KCND2: variants seen among roughly 807,000 people sequenced by gnomAD.
KCND2 encodes A-type voltage-gated potassium channel KCND2.
Under a neutral mutation model 54.4 loss-of-function variants are expected in KCND2, and 16 were observed. The observed-to-expected ratio is 0.29, with a 90% CI of 0.20 to 0.45. The LOEUF is 0.45. Ranked by LOEUF, KCND2 falls within the 20% of genes least tolerant of loss-of-function variation. KCND2 has a pLI of 1.00. For synonymous variants in KCND2, 317 were observed against 310.7 expected, an observed-to-expected ratio of 1.02 and a Z score of -0.21; for missense variants, 486 against 824.2, an observed-to-expected ratio of 0.59 and a Z score of 5.02.
intron 1 of KCND2, among the ~76,000 whole-genome samples, chr7:120,717,230 C>T (rs183029554): frequency 1.3e-5 from 2 of 152,100 alleles, no homozygotes; most frequent in East Asian, 1.9e-4. Flanking sequence ...TTCGAGTGAT[C>T]CTGGATCATG....
chr7:120,593,438 A>T (rs1156841308), intron 1 of KCND2, among the ~76,000 whole-genome samples: 1 of 152,182 alleles, frequency 6.6e-6, no homozygotes, highest in African/African-American at 2.4e-5. Context: ...AAAGAAGATT[A>T]TCACAGAATC....
intron 1 of KCND2, among the ~76,000 whole-genome samples, chr7:120,465,768 T>G (rs746729929): frequency 6.3e-4 from 96 of 152,298 alleles, no homozygotes; most frequent in Non-Finnish European, 8.8e-4. Flanking sequence ...TCACCTTGTA[T>G]TTGTAGTATT....
At chr7:120,339,828 A>G (rs552507334) in intron 1 of KCND2, among the ~76,000 whole-genome samples, 1 of 152,316 alleles carries the variant, frequency 6.6e-6, no homozygotes, top group South Asian at 2.1e-4. Flanking sequence ...TCAGTGAGAA[A>G]GTGGCATCTG....
At chr7:120,345,586 T>C (rs1195955960) in intron 1 of KCND2, among the ~76,000 whole-genome samples, 1 of 152,166 alleles carries the variant, frequency 6.6e-6, no homozygotes, top group African/African-American at 2.4e-5. Context: ...TTCCACTTTT[T>C]CTGTTTCTAT....
chr7:120,689,646 A>G (rs189307628), intron 1 of KCND2, among the ~76,000 whole-genome samples: 1 of 152,324 alleles, frequency 6.6e-6, no homozygotes. Context: ...AATCTTCACT[A>G]TCCCTTTCTC....
chr7:120,697,238 C>A (rs1227678719), intron 1 of KCND2, among the ~76,000 whole-genome samples: 2 of 152,128 alleles, frequency 1.3e-5, no homozygotes, highest in African/African-American at 4.8e-5. Context: ...ATACTGCAAC[C>A]AATAATTTTT....
At chr7:120,511,024 TCACACACACA>T (rs10594846) in intron 1 of KCND2, among the ~76,000 whole-genome samples, 2 of 144,992 alleles carry the variant, frequency 1.4e-5, no homozygotes, top group African/African-American at 2.6e-5. Context: ...TCTCTCTCTC[TCACACACACA>T]CACACACACA....
At chr7:120,604,876 A>C (rs1792862019) in intron 1 of KCND2, among the ~76,000 whole-genome samples, 2 of 152,190 alleles carry the variant, frequency 1.3e-5, no homozygotes, top group Admixed American at 1.3e-4. Flanking sequence ...TGTGAGTAGA[A>C]TATTACAACC....
intron 1 of KCND2, among the ~76,000 whole-genome samples, chr7:120,486,253 G>A (rs1287816130): frequency 6.6e-6 from 1 of 152,086 alleles, no homozygotes; most frequent in Non-Finnish European, 1.5e-5. Flanking sequence ...GGAAAATTAT[G>A]TATGAGAAAT....
At chr7:120,685,388 G>T (rs1298662553) in intron 1 of KCND2, among the ~76,000 whole-genome samples, 3 of 152,150 alleles carry the variant, frequency 2.0e-5, no homozygotes, top group African/African-American at 7.2e-5. Context: ...GCATGAGTCT[G>T]TCCAGGTTCT....
chr7:120,520,417 G>A (rs1180198710), intron 1 of KCND2, among the ~76,000 whole-genome samples: 1 of 152,120 alleles, frequency 6.6e-6, no homozygotes, highest in Non-Finnish European at 1.5e-5. Flanking sequence ...GTATCTATAT[G>A]TATGAGAATA....
intron 1 of KCND2, among the ~76,000 whole-genome samples, chr7:120,492,575 G>T (rs1350303317): frequency 6.6e-6 from 1 of 152,040 alleles, no homozygotes; most frequent in Non-Finnish European, 1.5e-5. Flanking sequence ...CCACTTTGTA[G>T]TTCATAGATG....
intron 1 of KCND2, among the ~76,000 whole-genome samples, chr7:120,377,227 A>G (rs1800845656): frequency 6.6e-6 from 1 of 151,972 alleles, no homozygotes; most frequent in South Asian, 2.1e-4. Context: ...AGGATCAGAG[A>G]AATATAGGAT....
chr7:120,633,167 C>CT (rs1200057744), intron 1 of KCND2, among the ~76,000 whole-genome samples: 3 of 152,202 alleles, frequency 2.0e-5, no homozygotes, highest in East Asian at 1.9e-4. Context: ...AGATATCATT[C>CT]TTTTTTTTGA....
chr7:120,405,033 T>C (rs1180766912), intron 1 of KCND2, among the ~76,000 whole-genome samples: 3 of 152,172 alleles, frequency 2.0e-5, no homozygotes, highest in Non-Finnish European at 1.5e-5. Context: ...CTGTTGTTTA[T>C]TTGCAGTTAA....
intron 1 of KCND2, among the ~76,000 whole-genome samples, chr7:120,439,317 A>G (rs1392068599): frequency 6.6e-6 from 1 of 152,110 alleles, no homozygotes; most frequent in Non-Finnish European, 1.5e-5. Flanking sequence ...TAATCGAAAT[A>G]GTGATGTTAG....
At chr7:120,721,099 T>G (rs2116103292) in intron 1 of KCND2, among the ~76,000 whole-genome samples, 1 of 152,328 alleles carries the variant, frequency 6.6e-6, no homozygotes, top group East Asian at 1.9e-4. Context: ...TGGAAATAAT[T>G]TTTATGGAAG....
intron 1 of KCND2, among the ~76,000 whole-genome samples, chr7:120,347,692 G>C (rs974793436): frequency 6.6e-6 from 1 of 151,810 alleles, no homozygotes; most frequent in African/African-American, 2.4e-5. Flanking sequence ...AGGAGGCAGA[G>C]GTTGCAGTGA....
At chr7:120,319,561 A>G (rs1725294596) in intron 1 of KCND2, among the ~76,000 whole-genome samples, 1 of 152,130 alleles carries the variant, frequency 6.6e-6, no homozygotes, top group Non-Finnish European at 1.5e-5. Context: ...TTCTGCTTCT[A>G]AAGGCAGGTC....
Sources: gnomAD v4.1 joint callset for allele counts (sites outside exome capture counted in the v4.1 genomes callset) on GRCh38, gnomAD v4.1.1 for gene constraint, MANE v1.5 for transcripts, NCBI Gene and HGNC (gene_info 2026-07-23, HGNC 2026-07-21) for gene names.